The following TRDN variants were observed in gnomAD, a reference collection of about 807,000 sequenced individuals.
TRDN encodes the protein triadin.
A neutral mutation model predicts 149.7 loss-of-function variants in TRDN; 161 were observed. The ratio of observed to expected loss-of-function variants is 1.08; its 90% confidence interval spans 0.95 to 1.23. The LOEUF (loss-of-function observed/expected upper bound fraction) is 1.23, where lower values mean the gene tolerates loss of function less well. Ranked by LOEUF, TRDN falls within the 50% of genes most tolerant of loss-of-function variation. The pLI is 0.00. For missense variants in TRDN, 896 were observed against 823.5 expected (o/e 1.09, Z -1.08); for synonymous variants, 294 against 250.5 (o/e 1.17, Z -1.64).
At chr6:123,565,618 A>G (rs895532732) in intron 2 of TRDN, among the ~76,000 whole-genome samples, 1 of 152,168 alleles carries the variant, frequency 6.6e-6, no homozygotes, top group Non-Finnish European at 1.5e-5. Flanking sequence ...GAAGGCACGA[A>G]TGTGGCAATA....
intron 19 of TRDN, among the ~76,000 whole-genome samples, chr6:123,371,510 A>T (rs192236887): frequency 4.6e-5 from 7 of 152,188 alleles, no homozygotes; most frequent in African/African-American, 1.7e-4. Context: ...CTCAATAGCC[A>T]TGCTTTATAG....
intron 12 of TRDN, among the ~76,000 whole-genome samples, chr6:123,432,027 G>C (rs1487700559): frequency 6.6e-6 from 1 of 152,126 alleles, no homozygotes; most frequent in Non-Finnish European, 1.5e-5. Context: ...GAAAAAATTT[G>C]ATGGAAATAG....
At chr6:123,556,752 C>A (rs1384870540) in intron 2 of TRDN, among the ~76,000 whole-genome samples, 2 of 151,902 alleles carry the variant, frequency 1.3e-5, no homozygotes, top group African/African-American at 4.8e-5. Flanking sequence ...CTAAAATGAC[C>A]AGTCTGTCCC....
intron 22 of TRDN, 63 bp downstream of exon 22, chr6:123,337,556 G>T: frequency 1.3e-6 from 1 of 789,460 alleles, no homozygotes; most frequent in Non-Finnish European, 1.9e-6. Flanking sequence ...CTAATGTACT[G>T]TGTTCTCAAT....
In TRDN at chr6:123,574,857, CATAT is replaced by C. The variant is rs1162190609; in HGVS notation, c.23-3729_23-3726del. On this transcript the variant is annotated intron_variant, in intron 1 of 40. Transcript: ENST00000334268. ...AAAACAGAACATGAATTTATATATA[CATAT>C]ATATATATATATATATATATATATA... is the stretch of plus-strand genomic sequence containing the variant. 8.9e-3 allele frequency among the ~76,000 whole-genome samples: 451 copies of C among 50,532 alleles called. 6 individuals carry two copies. Among genetic ancestry groups the C allele is most frequent in the Non-Finnish European group, 0.011 (307 of 27,332 alleles). 33.2% of individuals were successfully genotyped at this position (50,532 alleles called of 152,430 possible). A position where few individuals can be genotyped will look rare whatever the true frequency, so the allele number is the denominator to read the frequency against.
chr6:123,259,308 G>C (rs1327368842), intron 35 of TRDN, among the ~76,000 whole-genome samples: 22 of 151,956 alleles, frequency 1.4e-4, no homozygotes, highest in Admixed American at 1.4e-3. Context: ...TTAAGGTGAG[G>C]AATTGAATTT....
chr6:123,261,294 A>C (rs1776763557), intron 33 of TRDN, among the ~76,000 whole-genome samples: 1 of 151,902 alleles, frequency 6.6e-6, no homozygotes, highest in African/African-American at 2.4e-5. Flanking sequence ...TTCATTTATA[A>C]GATGCTGTCA....
chr6:123,300,967 C>T (rs1233376165), intron 24 of TRDN, among the ~76,000 whole-genome samples: 2 of 151,884 alleles, frequency 1.3e-5, no homozygotes, highest in African/African-American at 4.8e-5. Flanking sequence ...TATCTTATTG[C>T]ACTTGATCAT....
chr6:123,531,062 C>G (rs1270333806), intron 4 of TRDN, among the ~76,000 whole-genome samples: 1 of 151,892 alleles, frequency 6.6e-6, no homozygotes, highest in African/African-American at 2.4e-5. Context: ...TTACATTTAA[C>G]CAATAATTAC....
chr6:123,503,829 T>C lies in TRDN; in HGVS notation c.683A>G (p.Glu228Gly). Residue 228 changes from glutamate to glycine, a missense_variant, in exon 8 of 41, where the codon GAG becomes GGG. By Grantham distance (98) the Glu-to-Gly change is moderately conservative. Transcript: ENST00000334268. The part of the protein sequence containing the change: ...TKKEVKGGKQ[E>G]KVKQTAAKVK... ...TTTTGCAGCTGTTTGCTTCACTTTC[T>C]CCTGTTTTCCACCTTTCACTTCCTT... The C allele has an allele frequency of 6.2e-7, 1 of 1,607,160 alleles. No homozygotes were observed. Among genetic ancestry groups the C allele is most frequent in the Non-Finnish European group, 8.5e-7 (1 of 1,176,062 alleles).
At chr6:123,221,822 G>A (rs1775158848) in intron 39 of TRDN, among the ~76,000 whole-genome samples, 1 of 151,734 alleles carries the variant, frequency 6.6e-6, no homozygotes, top group East Asian at 1.9e-4. Flanking sequence ...TAGTTGACAT[G>A]CATCCCTTTC....
At chr6:123,439,847 G>A (rs1774775765) in intron 10 of TRDN, 1 of 152,156 alleles carries the variant, frequency 6.6e-6, no homozygotes, top group South Asian at 2.1e-4. Context: ...ATGTTCAGTG[G>A]TTTTAGATTT....
At chr6:123,367,620 G>A (rs1781159514) in intron 19 of TRDN, among the ~76,000 whole-genome samples, 2 of 152,214 alleles carry the variant, frequency 1.3e-5, no homozygotes, top group African/African-American at 4.8e-5. Flanking sequence ...ACTCCTGGCT[G>A]TTTTATACCT....
intron 19 of TRDN, among the ~76,000 whole-genome samples, chr6:123,369,791 T>C (rs1382913774): frequency 6.6e-6 from 1 of 152,124 alleles, no homozygotes; most frequent in Non-Finnish European, 1.5e-5. Context: ...CCTTCCATAT[T>C]TTTTTCTGGA....
intron 10 of TRDN, among the ~76,000 whole-genome samples, chr6:123,448,692 C>T (rs942083238): frequency 1.3e-5 from 2 of 152,078 alleles, no homozygotes; most frequent in South Asian, 2.1e-4. Context: ...ACTACTGGTC[C>T]CTCTCCATAC....
intron 1 of TRDN, among the ~76,000 whole-genome samples, chr6:123,620,623 TG>T (rs1280921908): frequency 1.3e-5 from 2 of 152,128 alleles, no homozygotes; most frequent in Non-Finnish European, 2.9e-5. Flanking sequence ...TCTCACACAC[TG>T]AGGCAGAGTT....
At chr6:123,502,247 G>GT (rs1325078031) in intron 8 of TRDN, 3 of 965,814 alleles carry the variant, frequency 3.1e-6, no homozygotes, top group Non-Finnish European at 3.7e-6. Flanking sequence ...TATATTCAAC[G>GT]TATTTTCTCT....
intron 22 of TRDN, among the ~76,000 whole-genome samples, chr6:123,332,665 T>A (rs1779706065): frequency 6.6e-6 from 1 of 152,114 alleles, no homozygotes; most frequent in Admixed American, 6.6e-5. Context: ...GCAACATTAA[T>A]GCTCAATAAA....
At chr6:123,405,430 T>C (rs1235817109) in intron 12 of TRDN, among the ~76,000 whole-genome samples, 4 of 152,228 alleles carry the variant, frequency 2.6e-5, no homozygotes, top group Non-Finnish European at 5.9e-5. Context: ...CTGAAGGCAG[T>C]AGAAATTTTT....
Sources: allele counts gnomAD v4.1 joint callset (sites outside exome capture counted in the v4.1 genomes callset), GRCh38; gene constraint gnomAD v4.1.1; transcripts MANE v1.5; gene names NCBI Gene and HGNC (gene_info 2026-07-23, HGNC 2026-07-21).